Variants in DCC observed in about 807,000 individuals in gnomAD.
The protein encoded by DCC is netrin receptor DCC.
DCC carries 58 observed loss-of-function variants against 172.5 expected under a neutral mutation model. That is an observed-to-expected ratio of 0.34 (90% confidence interval 0.27 to 0.42). The LOEUF is 0.42. DCC is among the 10% of genes least tolerant of loss of function. DCC has a pLI of 1.00. For synonymous variants in DCC, 709 were observed against 644.5 expected (o/e 1.10, Z -1.52); for missense variants, 1,740 against 1,791.0 (o/e 0.97, Z 0.51).
chr18:52,742,617 T>C (rs1179124024), intron 1 of DCC, among the ~76,000 whole-genome samples: 2 of 152,210 alleles, frequency 1.3e-5, no homozygotes, highest in Admixed American at 6.5e-5. Context: ...ACAAAGTTTA[T>C]GGTTTCAATT....
chr18:53,424,178 G>A (rs534040855), intron 21 of DCC, among the ~76,000 whole-genome samples: 1 of 152,132 alleles, frequency 6.6e-6, no homozygotes, highest in African/African-American at 2.4e-5. Context: ...GTCCTTCCTT[G>A]TTAGCAGAAA....
At chr18:52,529,819 G>A (rs780837728) in intron 1 of DCC, among the ~76,000 whole-genome samples, 7 of 152,172 alleles carry the variant, frequency 4.6e-5, no homozygotes, top group Non-Finnish European at 1.0e-4. Context: ...TTCTTCTGTG[G>A]ATATGAAGAT....
intron 5 of DCC, among the ~76,000 whole-genome samples, chr18:53,047,428 C>CAT (rs58797605): frequency 0.2 from 9,838 of 49,772 alleles, 1,322 homozygotes; most frequent in Non-Finnish European, 0.26. Flanking sequence ...ATATATTTTA[C>CAT]ATATATATAT....
chr18:53,495,389 CAAAA>C (rs71179511), intron 26 of DCC, among the ~76,000 whole-genome samples: 1 of 116,720 alleles, frequency 8.6e-6, no homozygotes, highest in Non-Finnish European at 1.7e-5. Context: ...GACTCCATCT[CAAAA>C]AAAAAAAAAA....
At chr18:53,156,575 CAT>C (rs921840789) in intron 7 of DCC, among the ~76,000 whole-genome samples, 9 of 151,724 alleles carry the variant, frequency 5.9e-5, no homozygotes, top group African/African-American at 2.2e-4. Context: ...TGTCAGAAAT[CAT>C]GTGGTCTTAC....
At chr18:53,391,487 G>T (rs1908540943) in intron 16 of DCC, among the ~76,000 whole-genome samples, 168 bp from the exon 17 acceptor site, 1 of 152,068 alleles carries the variant, frequency 6.6e-6, no homozygotes, top group Non-Finnish European at 1.5e-5. Context: ...TTTCTAATGT[G>T]TTTTCCGATT....
intron 1 of DCC, among the ~76,000 whole-genome samples, chr18:52,630,253 C>T (rs2034650421): frequency 1.3e-5 from 2 of 152,270 alleles, no homozygotes; most frequent in East Asian, 1.9e-4. Flanking sequence ...TGTTTGGGAA[C>T]TCCAGGGGTT....
At chr18:52,789,257 T>C (rs1209884897) in intron 2 of DCC, among the ~76,000 whole-genome samples, 4 of 141,926 alleles carry the variant, frequency 2.8e-5, no homozygotes, top group African/African-American at 9.8e-5. Flanking sequence ...GAAAAACAGG[T>C]TTTTTCTCAA....
At chr18:53,208,422 A>G (rs2055691229) in intron 11 of DCC, among the ~76,000 whole-genome samples, 1 of 152,036 alleles carries the variant, frequency 6.6e-6, no homozygotes, top group African/African-American at 2.4e-5. Context: ...TTTCTAATAC[A>G]CATTTGTGCA....
At chr18:53,527,564 G>A (rs1024893574) in intron 28 of DCC, among the ~76,000 whole-genome samples, 4 of 151,556 alleles carry the variant, frequency 2.6e-5, no homozygotes, top group East Asian at 1.9e-4. Flanking sequence ...AGGAAATGAC[G>A]TAATTAAAAA....
intron 5 of DCC, among the ~76,000 whole-genome samples, chr18:52,977,840 A>C (rs1016607730): frequency 1.3e-5 from 2 of 151,314 alleles, no homozygotes; most frequent in African/African-American, 4.9e-5. Flanking sequence ...AGCCAAGATC[A>C]CACCACTGCA....
chr18:52,651,142 G>A (rs1376933963), intron 1 of DCC, among the ~76,000 whole-genome samples: 1 of 152,128 alleles, frequency 6.6e-6, no homozygotes, highest in Non-Finnish European at 1.5e-5. Flanking sequence ...TTAGAAAGCT[G>A]TGCATTTTTA....
At chr18:53,013,078 C>T (rs1205444974) in intron 5 of DCC, among the ~76,000 whole-genome samples, 1 of 152,040 alleles carries the variant, frequency 6.6e-6, no homozygotes, top group Non-Finnish European at 1.5e-5. Context: ...ATAACAGATG[C>T]TGGCAAGGAC....
chr18:53,211,551 C>G (rs951497870), intron 11 of DCC, among the ~76,000 whole-genome samples: 1 of 152,000 alleles, frequency 6.6e-6, no homozygotes, highest in African/African-American at 2.4e-5. Flanking sequence ...GTGAAACCCA[C>G]TCTCTACTAA....
intron 1 of DCC, among the ~76,000 whole-genome samples, chr18:52,589,616 T>C (rs907460229): frequency 6.6e-6 from 1 of 152,086 alleles, no homozygotes; most frequent in East Asian, 1.9e-4. Flanking sequence ...TCCTCTTCTC[T>C]GTTCTGTCTA....
intron 22 of DCC, among the ~76,000 whole-genome samples, chr18:53,445,461 T>C (rs1484883718): frequency 2.6e-5 from 4 of 152,182 alleles, no homozygotes; most frequent in African/African-American, 9.7e-5. Flanking sequence ...GGCACAGCCA[T>C]TACAGCCATT....
At chr18:53,070,878 C>A (rs915625118) in intron 7 of DCC, among the ~76,000 whole-genome samples, 1 of 152,196 alleles carries the variant, frequency 6.6e-6, no homozygotes, top group Admixed American at 6.5e-5. Context: ...ACTCCAATTC[C>A]TCAGAGATGC....
chr18:53,365,476 CT>C (rs1249537378), intron 15 of DCC, among the ~76,000 whole-genome samples: 1 of 149,218 alleles, frequency 6.7e-6, no homozygotes, highest in Non-Finnish European at 1.5e-5. Flanking sequence ...AAGCAGCAAA[CT>C]TTTTATTTTC....
intron 6 of DCC, among the ~76,000 whole-genome samples, chr18:53,064,329 A>AAT (rs2042537985): frequency 1.3e-5 from 2 of 152,152 alleles, no homozygotes; most frequent in Admixed American, 1.3e-4. Context: ...TAGGTATATG[A>AAT]ATATATGAGA....
Sources: allele counts gnomAD v4.1 joint callset (sites outside exome capture counted in the v4.1 genomes callset), GRCh38; gene constraint gnomAD v4.1.1; transcripts MANE v1.5; gene names NCBI Gene and HGNC (gene_info 2026-07-23, HGNC 2026-07-21).